Variants in THBS4 observed in about 807,000 individuals in gnomAD.
THBS4 encodes thrombospondin-4.
Under a neutral mutation model 115.7 loss-of-function variants are expected in THBS4, and 90 were observed. The ratio of observed to expected loss-of-function variants is 0.78; its 90% CI spans 0.66 to 0.93. THBS4 has a LOEUF of 0.93. Among genes scored for constraint, THBS4 ranks in the 40% least tolerant of loss-of-function variants. The pLI is 0.00. For missense variants in THBS4, 1,087 were observed against 1,232.7 expected, an observed-to-expected ratio of 0.88 and a Z score of 1.77; for synonymous variants, 460 against 479.3, an observed-to-expected ratio of 0.96 and a Z score of 0.53.
At chr5:80,001,021 T>A (rs1443575264) in intron 2 of THBS4, among the ~76,000 whole-genome samples, 11 of 152,210 alleles carry the variant, frequency 7.2e-5, no homozygotes. Context: ...CTTGTACCTA[T>A]GGACATCACC....
chr5:80,004,148 A>G (rs1246025752), intron 2 of THBS4, among the ~76,000 whole-genome samples: 1 of 152,164 alleles, frequency 6.6e-6, no homozygotes, highest in Non-Finnish European at 1.5e-5. Context: ...CCCATCCACC[A>G]TGACTGAGCT....
At chr5:80,031,699 T>A (rs555711765), upstream of THBS4, among the ~76,000 whole-genome samples, 1 of 152,260 alleles carries the variant, frequency 6.6e-6, no homozygotes, top group South Asian at 2.1e-4. Context: ...GGTGCAGGAG[T>A]AAACCAGCCC....
chr5:80,039,636 A>G (rs902197935), intron 1 of THBS4, among the ~76,000 whole-genome samples: 2 of 152,210 alleles, frequency 1.3e-5, no homozygotes, highest in Non-Finnish European at 2.9e-5. Context: ...TGACCAGGAA[A>G]ACACAATTGG....
chr5:80,076,543 T>C (rs1441680823), intron 15 of THBS4, among the ~76,000 whole-genome samples: 3 of 152,150 alleles, frequency 2.0e-5, no homozygotes, highest in African/African-American at 4.8e-5. Flanking sequence ...CCCTCACACA[T>C]CCTCTGAGTT....
At chr5:80,027,894 CAAAAAAA>C (rs1159986888) in intron 2 of THBS4, among the ~76,000 whole-genome samples, 7 of 47,720 alleles carry the variant, frequency 1.5e-4, no homozygotes, top group Non-Finnish European at 1.6e-4. Flanking sequence ...ACCCTGTCTC[CAAAAAAA>C]AAAAAAAAAA....
intron 3 of THBS4, among the ~76,000 whole-genome samples, chr5:80,057,485 T>C (rs1833470243): frequency 6.6e-6 from 1 of 152,212 alleles, no homozygotes; most frequent in South Asian, 2.1e-4. Flanking sequence ...CAATACAATA[T>C]GTGTTAAATA....
At chr5:79,995,558 T>G (rs1382735321) in intron 1 of THBS4, among the ~76,000 whole-genome samples, 1 of 152,130 alleles carries the variant, frequency 6.6e-6, no homozygotes, top group Non-Finnish European at 1.5e-5. Flanking sequence ...TACACACATA[T>G]GAGGACAAAA....
At position 80,035,968 on chromosome 5, in the gene THBS4, G is replaced by A. The variant is rs927666664; in HGVS notation, c.88+343G>A. 11 of 1,035,446 alleles carry A rather than the reference G, an allele frequency of 1.1e-5. No homozygotes were observed. Among genetic ancestry groups the A allele is most frequent in the Non-Finnish European group, 1.3e-5 (11 of 862,598 alleles). 64.1% of individuals were successfully genotyped at this position (1,035,446 alleles called of 1,614,324 possible). A position where few individuals can be genotyped will look rare whatever the true frequency, so the allele number is the denominator to read the frequency against. ...TGGTGTAGGGTGAATTCCGGGTCCT[G>A]CACCCTGTGCCGGTTCCCTCCAGGC... On this transcript the variant is annotated intron_variant, in intron 1 of 21. Transcript: ENST00000350881. The surrounding 1 kb of genome is among the most constrained non-coding windows in gnomAD (Gnocchi z 4.6).
chr5:80,056,674 T>C (rs942380125), intron 3 of THBS4, among the ~76,000 whole-genome samples: 1 of 152,238 alleles, frequency 6.6e-6, no homozygotes, highest in Non-Finnish European at 1.5e-5. Flanking sequence ...TTGTTTTCTA[T>C]AAAGAACTAG....
chr5:80,007,629 A>G (rs1832044536), intron 2 of THBS4, among the ~76,000 whole-genome samples: 1 of 152,160 alleles, frequency 6.6e-6, no homozygotes, highest in African/African-American at 2.4e-5. Flanking sequence ...CAAGTGATGT[A>G]CTTCTTGGGG....
At position 80,068,000 on chromosome 5, in the gene THBS4, C is replaced by G. The variant is rs771848650; in HGVS notation, c.1222C>G (p.Pro408Ala). 5.1e-5 allele frequency: 83 copies of G among 1,613,966 alleles called. No homozygotes were observed. Among genetic ancestry groups the G allele is most frequent in the Non-Finnish European group, 6.5e-5 (77 of 1,180,022 alleles). The change falls in exon 10 of 22, where the codon CCG (proline) becomes GCG (alanine). Residue 408 changes from proline to alanine, a missense_variant. By Grantham distance (27) the Pro-to-Ala change is conservative (BLOSUM62 -1). Coordinates refer to ENST00000350881, the MANE Select transcript of THBS4 (RefSeq NM_003248.6). ...ATCTTACCGCTGTGGGCCTTGTAAG[C>G]CGGGGTATACTGGTGATCAGATAAG... ...LGSYRCGPCK[P>A]GYTGDQIRGC...
intron 1 of THBS4, among the ~76,000 whole-genome samples, chr5:79,992,699 G>A (rs796627072): frequency 1.3e-5 from 2 of 152,072 alleles, no homozygotes; most frequent in Non-Finnish European, 1.5e-5. Flanking sequence ...TTCTGTCCTC[G>A]GGAGTTTACA....
intron 2 of THBS4, among the ~76,000 whole-genome samples, chr5:80,047,691 T>C (rs1337430697): frequency 1.3e-5 from 2 of 149,264 alleles, no homozygotes; most frequent in Non-Finnish European, 1.5e-5. Context: ...TGGAGTGCAA[T>C]GGCGCGTCCT....
intron 7 of THBS4, among the ~76,000 whole-genome samples, chr5:80,060,481 C>A (rs1833594856): frequency 6.6e-6 from 1 of 152,180 alleles, no homozygotes; most frequent in South Asian, 2.1e-4. Flanking sequence ...GTTAGGCAGG[C>A]CAGCCTAGTG....
chr5:80,058,531 CATCATT>C (rs909246190), intron 4 of THBS4, among the ~76,000 whole-genome samples, 171 bp from the exon 5 acceptor site: 10 of 146,906 alleles, frequency 6.8e-5, no homozygotes, highest in Admixed American at 5.4e-4. Context: ...TAGTCAGTGG[CATCATT>C]ATCATTATTT....
In THBS4 at chr5:80,078,090, G is replaced by A. The variant is rs749312405; in HGVS notation, c.2128G>A (p.Asp710Asn). The A allele has an allele frequency of 6.8e-6, 11 of 1,608,322 alleles. No homozygotes were observed. Among genetic ancestry groups the A allele is most frequent in the Non-Finnish European group, 9.4e-6 (11 of 1,176,316 alleles). Residue 710 changes from aspartate (D) to asparagine (N), a missense_variant, in exon 17 of 22, where the codon GAC (aspartate) becomes AAC (asparagine). Coordinates refer to ENST00000350881, the MANE Select transcript of THBS4 (RefSeq NM_003248.6). ...GDICESDFDQ[D>N]QVIDRIDVCP... The stretch of plus-strand genomic sequence containing the variant: ...CATCTGTGAGTCTGACTTTGACCAG[G>A]ACCAGGTCATCGATCGGATCGACGT...
intron 2 of THBS4, among the ~76,000 whole-genome samples, chr5:80,049,653 G>GT (rs1339219219): frequency 1.3e-5 from 2 of 152,136 alleles, no homozygotes; most frequent in African/African-American, 2.4e-5. Flanking sequence ...AGTAGTTGTA[G>GT]TGGTGCCCTC....
chr5:80,027,438 C>T (rs1832499702), intron 2 of THBS4, among the ~76,000 whole-genome samples: 1 of 152,176 alleles, frequency 6.6e-6, no homozygotes, highest in Admixed American at 6.5e-5. Context: ...CACCAAAGCA[C>T]CTCCACAGCT....
At chr5:80,067,332 A>C (rs548545557) in intron 9 of THBS4, 1 of 151,948 alleles carries the variant, frequency 6.6e-6, no homozygotes, top group South Asian at 2.1e-4. Flanking sequence ...TGAAAATTTT[A>C]ATTTTCATTT....
Sources: allele counts gnomAD v4.1 joint callset (sites outside exome capture counted in the v4.1 genomes callset), GRCh38; gene constraint gnomAD v4.1.1; non-coding constraint Gnocchi (gnomAD v3.1); transcripts MANE v1.5; gene names NCBI Gene and HGNC (gene_info 2026-07-23, HGNC 2026-07-21).